Variants in OLFM2 observed in about 807,000 individuals in gnomAD.
OLFM2 encodes noelin-2.
Under a neutral mutation model 43.9 loss-of-function variants are expected in OLFM2, and 20 were observed. That is an observed-to-expected ratio of 0.46 (90% CI 0.32 to 0.66). The LOEUF is 0.66. Ranked by LOEUF, OLFM2 falls within the 30% of genes least tolerant of loss-of-function variation. The pLI, the probability that OLFM2 is intolerant of heterozygous loss-of-function variation, is 0.04. For synonymous variants in OLFM2, 268 were observed against 278.6 expected (o/e 0.96, Z 0.38); for missense variants, 416 against 643.6 (o/e 0.65, Z 3.83).
rs1259087431 is a variant in OLFM2, at chr19:9,856,744, A to G, written c.687+63T>C. 5 of 1,341,298 alleles carry G rather than the reference A, an allele frequency of 3.7e-6. No homozygotes were observed. The highest frequency in any genetic ancestry group is 4.2e-6 in the Non-Finnish European group (4 of 949,294). The allele number at this position is 1,341,298 out of a possible 1,614,324, so 83.1% of individuals were successfully genotyped here. A position where few individuals can be genotyped will look rare whatever the true frequency, so the allele number is the denominator to read the frequency against. On this transcript the variant is annotated intron_variant, in intron 5 of 5. Coordinates refer to ENST00000264833, the MANE Select transcript of OLFM2 (RefSeq NM_058164.4). The surrounding 1 kb of genome is among the most constrained non-coding windows in gnomAD (Gnocchi z 4.0). ...ACCAGTGTGGACTCCCTAGGCACCTATGGGCAGTCAAAGGCTCTGTCCCTC... is the reference window on the plus strand; with the variant it reads ...ACCAGTGTGGACTCCCTAGGCACCTGTGGGCAGTCAAAGGCTCTGTCCCTC...
At chr19:9,887,805 A>G (rs2046601027) in intron 1 of OLFM2, among the ~76,000 whole-genome samples, 1 of 152,134 alleles carries the variant, frequency 6.6e-6, no homozygotes, top group Non-Finnish European at 1.5e-5. Context: ...TTTTGAGGCC[A>G]GAGGATCACT....
rs147078211 is a variant in OLFM2 at position 9,857,310 on chromosome 19, C to T, written c.533G>A (p.Arg178Gln). 1.1e-5 allele frequency: 18 copies of T among 1,614,028 alleles called. No individual in the cohort carries two copies. In the African/African-American group the frequency reaches 1.2e-4, roughly 11 times the overall value. ...GAYGYEDLQQ[R>Q]VMALEARLHA... ...GAGCCGGGCCTCCAGGGCCATCACC[C>T]GTTGCTGCAGGTCCTCATACCCGTA... The change falls in exon 4 of 6, where the codon CGG becomes CAG. Residue 178 changes from arginine to glutamine, a missense_variant. By Grantham distance (43) the Arg-to-Gln change is conservative (BLOSUM62 1). Transcript: ENST00000264833. The surrounding 1 kb of genome is among the most constrained non-coding windows in gnomAD (Gnocchi z 5.7).
intron 1 of OLFM2, among the ~76,000 whole-genome samples, chr19:9,916,123 G>A (rs145139020): frequency 1.5e-3 from 230 of 152,302 alleles, no homozygotes; most frequent in East Asian, 5.4e-3. Context: ...TTGGGAGGCC[G>A]AGGAGGGTGG....
intron 1 of OLFM2, among the ~76,000 whole-genome samples, chr19:9,905,236 T>C (rs1036531609): frequency 1.3e-5 from 2 of 152,088 alleles, no homozygotes; most frequent in African/African-American, 4.8e-5. Flanking sequence ...GGCGGGCAGA[T>C]CATGAGGTCA....
At chr19:9,915,712 G>A (rs1286390492) in intron 1 of OLFM2, among the ~76,000 whole-genome samples, 1 of 151,668 alleles carries the variant, frequency 6.6e-6, no homozygotes, top group Non-Finnish European at 1.5e-5. Context: ...TAGAGACGGG[G>A]TTTCACCGTG....
chr19:9,864,787 C>CT (rs34810133), intron 1 of OLFM2, among the ~76,000 whole-genome samples: 52,274 of 97,604 alleles, frequency 0.54, 14,786 homozygotes, highest in Admixed American at 0.63. Context: ...ACACACCCAG[C>CT]TTTTTTTTTT....
intron 1 of OLFM2, among the ~76,000 whole-genome samples, chr19:9,889,916 T>TC (rs2046623198): frequency 7.5e-6 from 1 of 132,474 alleles, no homozygotes; most frequent in African/African-American, 2.6e-5. Flanking sequence ...GTTCATAAAT[T>TC]CCAATTTTTT....
chr19:9,930,490 A>C (rs1244133988), intron 1 of OLFM2, among the ~76,000 whole-genome samples: 1 of 152,106 alleles, frequency 6.6e-6, no homozygotes, highest in Non-Finnish European at 1.5e-5. Context: ...CAGGAGTTGG[A>C]GGCTTCAGTG....
At chr19:9,887,948 G>A (rs372338295) in intron 1 of OLFM2, among the ~76,000 whole-genome samples, 1 of 152,004 alleles carries the variant, frequency 6.6e-6, no homozygotes, top group Non-Finnish European at 1.5e-5. Context: ...TGGGAGGATC[G>A]CTTGAGCCTG....
intron 1 of OLFM2, among the ~76,000 whole-genome samples, chr19:9,888,273 AG>A (rs1280500179): frequency 6.6e-6 from 1 of 152,016 alleles, no homozygotes; most frequent in African/African-American, 2.4e-5. Context: ...CTGTAATCCC[AG>A]CACTTTGGGA....
chr19:9,906,588 G>A (rs948227766), intron 1 of OLFM2, among the ~76,000 whole-genome samples: 1 of 152,092 alleles, frequency 6.6e-6, no homozygotes, highest in Admixed American at 6.6e-5. Context: ...GAGAGATTAG[G>A]CAAGGGGAGA....
At chr19:9,877,568 AAATAAATAC>A (rs1020712549) in intron 1 of OLFM2, among the ~76,000 whole-genome samples, 5 of 132,104 alleles carry the variant, frequency 3.8e-5, no homozygotes, top group African/African-American at 1.4e-4. Context: ...ATAAATAAAT[AAATAAATAC>A]AATAAAATAA....
At chr19:9,891,611 C>T (rs1281391945) in intron 1 of OLFM2, among the ~76,000 whole-genome samples, 1 of 147,802 alleles carries the variant, frequency 6.8e-6, no homozygotes, top group Non-Finnish European at 1.5e-5. Context: ...AGCAAGACTC[C>T]ATCTCAAAAA....
intron 1 of OLFM2, among the ~76,000 whole-genome samples, chr19:9,931,195 A>T (rs575547759): frequency 1.3e-3 from 196 of 152,298 alleles, no homozygotes; most frequent in African/African-American, 4.6e-3. Flanking sequence ...TCTTACCCCT[A>T]AACAACAGTG....
intron 1 of OLFM2, among the ~76,000 whole-genome samples, chr19:9,875,650 C>G (rs971139926): frequency 1.9e-5 from 1 of 53,154 alleles, no homozygotes; most frequent in Non-Finnish European, 4.0e-5. Context: ...ACCAGCACAT[C>G]TGGTTGTTTG....
Position 9,925,615 on chromosome 19 carries a change from T to C in OLFM2, c.63+10689A>G, listed in dbSNP as rs555676716. On this transcript the variant is annotated intron_variant, in intron 1 of 5. Coordinates refer to ENST00000264833, the MANE Select transcript of OLFM2 (RefSeq NM_058164.4). ...AGGCACAGCTAATTTTTGTATTTGT[T>C]GTAGAGACACGGTTTCACCATGTTG... is the stretch of plus-strand genomic sequence containing the variant. Among the ~76,000 whole-genome samples the C allele has an allele frequency of 1.8e-3, 276 of 151,568 alleles. 1 individual carries two copies. The highest frequency in any genetic ancestry group is 0.01 in the Middle Eastern group (3 of 292).
At position 9,854,895 on chromosome 19, in the gene OLFM2, A is replaced by C. The variant is rs752936742; in HGVS notation, c.688-32T>G. ...TAGCAGCCGCTGGTCACTGGGGGGA[A>C]CCACCACCAACGACCCAAGGGTCCC... On this transcript the variant is annotated intron_variant, in intron 5 of 5. Transcript: ENST00000264833. The surrounding 1 kb of genome is among the most constrained non-coding windows in gnomAD (Gnocchi z 9.5). 1 of 1,502,420 alleles carries C rather than the reference A, an allele frequency of 6.7e-7. No individual in the cohort carries two copies. Among genetic ancestry groups the C allele is most frequent in the East Asian group, 2.4e-5 (1 of 42,050 alleles). The allele number at this position is 1,502,420 out of a possible 1,614,324, so 93.1% of individuals were successfully genotyped here.
chr19:9,875,380 A>T (rs1438227760), intron 1 of OLFM2, among the ~76,000 whole-genome samples: 1 of 152,178 alleles, frequency 6.6e-6, no homozygotes, highest in Non-Finnish European at 1.5e-5. Context: ...GGGTTCTGGA[A>T]TGATCCACAG....
chr19:9,913,656 G>T (rs1305552348), intron 1 of OLFM2: 1 of 1,192,434 alleles, frequency 8.4e-7, no homozygotes. Flanking sequence ...CCCGCCGCGC[G>T]TCCCTTCTCT....
Sources: gnomAD v4.1 joint callset for allele counts (sites outside exome capture counted in the v4.1 genomes callset) on GRCh38, gnomAD v4.1.1 for gene constraint, Gnocchi (gnomAD v3.1) non-coding constraint, MANE v1.5 for transcripts, NCBI Gene and HGNC (gene_info 2026-07-23, HGNC 2026-07-21) for gene names.